The following SLC22A5 variants were observed in gnomAD, a reference collection of about 807,000 sequenced individuals.
The protein encoded by SLC22A5 is solute carrier family 22 member 5, also known as organic cation/carnitine transporter 2.
Under a neutral mutation model 56.7 loss-of-function variants are expected in SLC22A5, and 44 were observed. That is an observed-to-expected ratio of 0.78 (90% CI 0.61 to 1.00). The LOEUF is 1.00. Ranked by LOEUF, SLC22A5 falls within the 50% of genes least tolerant of loss-of-function variation. The pLI, the probability that SLC22A5 is intolerant of heterozygous loss-of-function variation, is 0.00. For synonymous variants in SLC22A5, 278 were observed against 292.1 expected, an observed-to-expected ratio of 0.95 and a Z score of 0.49; for missense variants, 675 against 723.0, an observed-to-expected ratio of 0.93 and a Z score of 0.76.
intron 3 of SLC22A5, 55 bp from the exon 4 acceptor site, chr5:132,385,273 A>T: frequency 6.8e-7 from 1 of 1,467,952 alleles, no homozygotes; most frequent in Non-Finnish European, 9.5e-7. Context: ...ATAAAAAATT[A>T]ATAAGGAAGG....
At chr5:132,391,790 G>A (rs778985445) in intron 7 of SLC22A5, among the ~76,000 whole-genome samples, 8 of 152,202 alleles carry the variant, frequency 5.3e-5, no homozygotes, top group Non-Finnish European at 7.3e-5. Context: ...AGACTTCAGT[G>A]TACCTGTAGA....
chr5:132,372,771 A>T (rs1334110142), intron 1 of SLC22A5, among the ~76,000 whole-genome samples: 1 of 152,192 alleles, frequency 6.6e-6, no homozygotes, highest in Non-Finnish European at 1.5e-5. Flanking sequence ...CTACTGCTGG[A>T]AGTTGCTGCA....
intron 1 of SLC22A5, chr5:132,376,398 G>A (rs1752139997): frequency 6.6e-6 from 1 of 152,238 alleles, no homozygotes; most frequent in African/African-American, 2.4e-5. Context: ...TAGAGAGGGT[G>A]GGGCTAAGGG....
At chr5:132,376,777 G>A (rs890758161) in intron 1 of SLC22A5, 3 of 152,184 alleles carry the variant, frequency 2.0e-5, no homozygotes, top group African/African-American at 7.2e-5. Flanking sequence ...CCTGAAGCTT[G>A]GCCTCACACA....
chr5:132,391,975 TAGA>T, intron 7 of SLC22A5, among the ~76,000 whole-genome samples: 1 of 152,322 alleles, frequency 6.6e-6, no homozygotes, highest in African/African-American at 2.4e-5. Flanking sequence ...ACAGAGAGAT[TAGA>T]AGATCAACTT....
intron 2 of SLC22A5, chr5:132,380,363 T>C (rs1389726174): frequency 6.6e-6 from 1 of 151,746 alleles, no homozygotes; most frequent in Non-Finnish European, 1.5e-5. Flanking sequence ...AGTTAGGACT[T>C]TGGGCTTCAG....
chr5:132,390,882 C>T lies in SLC22A5; in HGVS notation c.1245C>T (p.Leu415=). The change falls in exon 7 of 10, where the codon CTC becomes CTT. Residue 415 remains leucine, a synonymous_variant. Coordinates refer to ENST00000245407, the MANE Select transcript of SLC22A5 (RefSeq NM_003060.4). ...TALFLGGSVL[L]FMQLVPPDLY... is the part of the protein sequence containing the mutation. ...TCTTCCTGGGTGGCAGTGTCCTTCT[C>T]TTCATGCAGCTGGTACCCCCAGGTA... 1 of 1,614,136 alleles carries T rather than the reference C, an allele frequency of 6.2e-7. No individual in the cohort carries two copies. The highest frequency in any genetic ancestry group is 8.5e-7 in the Non-Finnish European group (1 of 1,180,008).
At chr5:132,392,745 G>A (rs1044177002) in intron 8 of SLC22A5, 130 bp downstream of exon 8, 8 of 798,848 alleles carry the variant, frequency 1.0e-5, no homozygotes, top group African/African-American at 3.4e-5. Context: ...TCCAGTACTG[G>A]ATCTTTGGCC....
chr5:132,372,562 G>C (rs1751972046), intron 1 of SLC22A5, among the ~76,000 whole-genome samples: 1 of 152,184 alleles, frequency 6.6e-6, no homozygotes. Context: ...TTATCTTGCT[G>C]CCAATGTCAG....
At position 132,384,183 on chromosome 5, in the gene SLC22A5, C is replaced by T; in HGVS notation, c.534C>T (p.Gly178=). 2 of 1,614,182 alleles carry T rather than the reference C, an allele frequency of 1.2e-6. No homozygotes were observed. Among genetic ancestry groups the T allele is most frequent in the Non-Finnish European group, 1.7e-6 (2 of 1,180,002 alleles). The stretch of plus-strand genomic sequence containing the variant: ...AGAATGTGCTGTTCGTGACCATGGG[C>T]ATGCAGACAGGCTTCAGCTTCCTGC... ...GRKNVLFVTM[G]MQTGFSFLQI... Residue 178 remains glycine, a synonymous_variant, in exon 3 of 10, where the codon GGC becomes GGT. Transcript: ENST00000245407.
At chr5:132,381,554 C>G (rs1752347932) in intron 2 of SLC22A5, 1 of 152,222 alleles carries the variant, frequency 6.6e-6, no homozygotes, top group Admixed American at 6.5e-5. Context: ...CATGCCCTAA[C>G]TTGTCTAGGA....
chr5:132,381,585 T>C (rs1325345515), intron 2 of SLC22A5: 1 of 152,268 alleles, frequency 6.6e-6, no homozygotes, highest in Admixed American at 6.5e-5. Context: ...ACTTTTTATA[T>C]AGTATAAAGG....
chr5:132,384,757 A>G (rs765903110), intron 3 of SLC22A5, among the ~76,000 whole-genome samples: 1 of 152,208 alleles, frequency 6.6e-6, no homozygotes, highest in African/African-American at 2.4e-5. Flanking sequence ...TCTACGGACA[A>G]GAATAAATTG....
intron 2 of SLC22A5, 40 bp downstream of exon 2, chr5:132,378,521 A>C (rs1308982272): frequency 1.4e-6 from 2 of 1,433,170 alleles, no homozygotes; most frequent in East Asian, 4.5e-5. Flanking sequence ...GGACCTCAGC[A>C]CTGAGGAAGA....
At position 132,370,112 on chromosome 5, in the gene SLC22A5, A is replaced by G; in HGVS notation, c.140A>G (p.Glu47Gly). 1.2e-6 allele frequency: 2 copies of G among 1,611,808 alleles called. No homozygotes were observed. Among genetic ancestry groups the G allele is most frequent in the South Asian group, 2.2e-5 (2 of 90,990 alleles). Residue 47 changes from glutamate (E) to glycine (G), a missense_variant, in exon 1 of 10, where the codon GAG becomes GGG. Physicochemically the swap from Glu to Gly is moderately conservative, Grantham distance 98 (BLOSUM62 -2). Transcript: ENST00000245407. Reference protein sequence around the residue: ...LSSVFLIATPEHRCRVPDAAN... With the variant: ...LSSVFLIATPGHRCRVPDAAN... The stretch of plus-strand genomic sequence containing the variant: ...TCCGTGTTCCTGATAGCGACCCCGG[A>G]GCACCGCTGCCGGGTGCCGGACGCC...
chr5:132,374,498 G>A (rs1752061672), intron 1 of SLC22A5, among the ~76,000 whole-genome samples: 1 of 152,134 alleles, frequency 6.6e-6, no homozygotes, highest in African/African-American at 2.4e-5. Flanking sequence ...GCAGAGACCC[G>A]AGAGACCTGG....
At chr5:132,386,840 A>G (rs1384167406) in intron 4 of SLC22A5, among the ~76,000 whole-genome samples, 185 bp from the exon 5 acceptor site, 1 of 152,226 alleles carries the variant, frequency 6.6e-6, no homozygotes, top group Non-Finnish European at 1.5e-5. Flanking sequence ...TGGGGTACAC[A>G]TAAGCTCATC....
chr5:132,394,491 C>T lies in SLC22A5; in HGVS notation c.*219C>T, dbSNP rs1275277695. Reference sequence around the variant, plus strand: ...GGACACTGGGGCTACCTACAGACAACTTCATCTAAGTCCTAACTATTACAA... The same window carrying T: ...GGACACTGGGGCTACCTACAGACAATTTCATCTAAGTCCTAACTATTACAA... On this transcript the variant is annotated 3_prime_UTR_variant, in exon 10 of 10. Transcript: ENST00000245407. The T allele has an allele frequency of 2.0e-5, 12 of 597,042 alleles. No homozygotes were observed. Among genetic ancestry groups the T allele is most frequent in the Non-Finnish European group, 3.6e-5 (12 of 333,714 alleles). 37.0% of individuals were successfully genotyped at this position (597,042 alleles called of 1,614,324 possible).
At chr5:132,370,769 T>C (rs1388703263) in intron 1 of SLC22A5, among the ~76,000 whole-genome samples, 1 of 152,174 alleles carries the variant, frequency 6.6e-6, no homozygotes, top group Non-Finnish European at 1.5e-5. Flanking sequence ...CTTGATTTCT[T>C]TTTAGAAGAG....
Sources: gnomAD v4.1 joint callset for allele counts (sites outside exome capture counted in the v4.1 genomes callset) on GRCh38, gnomAD v4.1.1 for gene constraint, MANE v1.5 for transcripts, NCBI Gene and HGNC (gene_info 2026-07-23, HGNC 2026-07-21) for gene names.